The following FILIP1 variants were observed in gnomAD, a reference collection of about 807,000 sequenced individuals.
FILIP1 encodes the protein filamin-A-interacting protein 1.
In FILIP1, 61 loss-of-function variants were observed where a neutral mutation model predicts 102.1. The observed-to-expected ratio is 0.60, with a 90% CI of 0.49 to 0.74. The LOEUF (loss-of-function observed/expected upper bound fraction) is 0.74, where lower values mean the gene tolerates loss of function less well. FILIP1 is among the 30% of genes least tolerant of loss of function. The probability of loss-of-function intolerance (pLI) is 0.00; values close to 1 mark genes in which losing one functional copy is unlikely to be tolerated. For missense variants in FILIP1, 1,314 were observed against 1,441.2 expected, an observed-to-expected ratio of 0.91 and a Z score of 1.43; for synonymous variants, 491 against 526.9, an observed-to-expected ratio of 0.93 and a Z score of 0.93.
chr6:75,302,523 T>A (rs1158867311), intron 6 of FILIP1, among the ~76,000 whole-genome samples: 7 of 152,264 alleles, frequency 4.6e-5, no homozygotes, highest in Non-Finnish European at 8.8e-5. Flanking sequence ...AGAGGCAATG[T>A]TCATAAAATA....
At chr6:75,333,924 T>A (rs1774157549) in intron 4 of FILIP1, among the ~76,000 whole-genome samples, 1 of 152,162 alleles carries the variant, frequency 6.6e-6, no homozygotes, top group African/African-American at 2.4e-5. Context: ...CCTATTTACT[T>A]TATTATTCTT....
At chr6:75,391,252 A>T (rs958871568) in intron 2 of FILIP1, among the ~76,000 whole-genome samples, 5 of 152,060 alleles carry the variant, frequency 3.3e-5, no homozygotes, top group Admixed American at 3.3e-4. Flanking sequence ...ATTCTCTCAC[A>T]TGATTGTACT....
At chr6:75,351,578 C>T (rs1470373534) in intron 4 of FILIP1, among the ~76,000 whole-genome samples, 4 of 152,116 alleles carry the variant, frequency 2.6e-5, no homozygotes, top group Non-Finnish European at 4.4e-5. Context: ...TGTTTAGATA[C>T]ACAAATACTT....
At chr6:75,465,955 C>A (rs1035419595) in intron 1 of FILIP1, among the ~76,000 whole-genome samples, 19 of 152,148 alleles carry the variant, frequency 1.2e-4, no homozygotes, top group Admixed American at 3.3e-4. Context: ...CCTGCTCCAG[C>A]CACGCCAGCC....
chr6:75,472,513 A>C (rs1326219863), intron 1 of FILIP1, among the ~76,000 whole-genome samples: 1 of 152,144 alleles, frequency 6.6e-6, no homozygotes, highest in Non-Finnish European at 1.5e-5. Flanking sequence ...ATGTTAAAGG[A>C]CTAATTGAAT....
chr6:75,373,498 C>G (rs1369514567), intron 2 of FILIP1, among the ~76,000 whole-genome samples: 3 of 151,996 alleles, frequency 2.0e-5, no homozygotes, highest in Admixed American at 2.0e-4. Context: ...AGAGATGGAG[C>G]CTTGCCATGT....
intron 4 of FILIP1, among the ~76,000 whole-genome samples, chr6:75,326,096 T>C (rs963000604): frequency 1.7e-4 from 4 of 24,224 alleles, no homozygotes; most frequent in African/African-American, 7.1e-4. Context: ...ATAGATAGAT[T>C]AGATAGATAG....
At chr6:75,465,391 C>A in intron 1 of FILIP1, 1 of 522,408 alleles carries the variant, frequency 1.9e-6, no homozygotes, top group Non-Finnish European at 3.4e-6. Context: ...ATAAATTAAT[C>A]TGAATGGAGT....
At chr6:75,328,608 C>T (rs1293779689) in intron 4 of FILIP1, among the ~76,000 whole-genome samples, 1 of 152,164 alleles carries the variant, frequency 6.6e-6, no homozygotes, top group Non-Finnish European at 1.5e-5. Context: ...CCTGCCTCAG[C>T]CTCATGAGTA....
intron 1 of FILIP1, among the ~76,000 whole-genome samples, chr6:75,416,903 G>C (rs1777289117): frequency 6.6e-6 from 1 of 152,004 alleles, no homozygotes; most frequent in Non-Finnish European, 1.5e-5. Context: ...ATTGTATTAT[G>C]TTACATGCAT....
intron 1 of FILIP1, among the ~76,000 whole-genome samples, chr6:75,486,981 C>T (rs1332830747): frequency 3.3e-5 from 5 of 152,008 alleles, no homozygotes; most frequent in African/African-American, 4.8e-5. Flanking sequence ...GAAGTGAACT[C>T]GACCAATGCA....
chr6:75,365,142 C>T (rs1397810904), intron 2 of FILIP1, among the ~76,000 whole-genome samples: 1 of 151,986 alleles, frequency 6.6e-6, no homozygotes, highest in Non-Finnish European at 1.5e-5. Context: ...ATTTTTCTAA[C>T]ATGTGAAATG....
At chr6:75,383,398 G>T (rs927453761) in intron 2 of FILIP1, among the ~76,000 whole-genome samples, 2 of 152,106 alleles carry the variant, frequency 1.3e-5, no homozygotes, top group African/African-American at 4.8e-5. Context: ...AAATGAGTTT[G>T]AATTGTGCTC....
intron 1 of FILIP1, among the ~76,000 whole-genome samples, chr6:75,483,190 C>T (rs908432511): frequency 2.0e-5 from 3 of 152,176 alleles, no homozygotes; most frequent in East Asian, 1.9e-4. Context: ...TAATTCCGTA[C>T]ATGCTACCTA....
intron 2 of FILIP1, among the ~76,000 whole-genome samples, chr6:75,393,941 G>C (rs968854287): frequency 2.6e-5 from 4 of 152,068 alleles, no homozygotes. Flanking sequence ...GGTTCTTCAG[G>C]CCTCCCACAA....
intron 2 of FILIP1, among the ~76,000 whole-genome samples, chr6:75,377,708 A>G (rs1282991840): frequency 6.6e-6 from 1 of 152,216 alleles, no homozygotes; most frequent in Non-Finnish European, 1.5e-5. Flanking sequence ...AATGGTGTGT[A>G]TGTGTGGATC....
At chr6:75,320,447 T>G (rs1423659367) in intron 4 of FILIP1, among the ~76,000 whole-genome samples, 1 of 152,086 alleles carries the variant, frequency 6.6e-6, no homozygotes, top group South Asian at 2.1e-4. Context: ...TGTGGTGGCA[T>G]GTGCCTGTAA....
intron 1 of FILIP1, among the ~76,000 whole-genome samples, chr6:75,420,601 A>G (rs1343136024): frequency 2.0e-5 from 3 of 152,098 alleles, no homozygotes; most frequent in Non-Finnish European, 4.4e-5. Flanking sequence ...TACATTTATC[A>G]TGTTTGTTTA....
chr6:75,351,786 T>C (rs947543984), intron 4 of FILIP1, among the ~76,000 whole-genome samples: 1 of 152,216 alleles, frequency 6.6e-6, no homozygotes, highest in Non-Finnish European at 1.5e-5. Context: ...ATCCCCTTCA[T>C]TAAGTGACAC....
Sources: gnomAD v4.1 joint callset for allele counts (sites outside exome capture counted in the v4.1 genomes callset) on GRCh38, gnomAD v4.1.1 for gene constraint, MANE v1.5 for transcripts, NCBI Gene and HGNC (gene_info 2026-07-23, HGNC 2026-07-21) for gene names.